The following IMPDH1 variants were observed in gnomAD, a reference collection of about 807,000 sequenced individuals.
IMPDH1 encodes inosine monophosphate dehydrogenase 1, also known as inosine-5'-monophosphate dehydrogenase 1.
Under a neutral mutation model 73.5 loss-of-function variants are expected in IMPDH1, and 41 were observed. The observed-to-expected ratio is 0.56, with a 90% CI of 0.43 to 0.72. The LOEUF is 0.72. Among genes scored for constraint, IMPDH1 ranks in the 30% least tolerant of loss-of-function variants. The probability of loss-of-function intolerance (pLI) is 0.00; values close to 1 mark genes in which losing one functional copy is unlikely to be tolerated. For missense variants in IMPDH1, 645 were observed against 824.8 expected (o/e 0.78, Z 2.67); for synonymous variants, 318 against 334.3 (o/e 0.95, Z 0.53).
chr7:128,407,720 T>C (rs1584757116), intron 3 of IMPDH1, among the ~76,000 whole-genome samples: 1 of 152,236 alleles, frequency 6.6e-6, no homozygotes, highest in Middle Eastern at 3.4e-3. Flanking sequence ...CACTGTCCCC[T>C]ACAGTATGAG....
intron 4 of IMPDH1, 89 bp downstream of exon 4, chr7:128,405,678 A>G: frequency 6.9e-7 from 1 of 1,459,246 alleles, no homozygotes; most frequent in Non-Finnish European, 9.1e-7. Context: ...CGGGCAGGGA[A>G]CGCCGGGGGA....
chr7:128,397,416 A>G (rs970717369), intron 10 of IMPDH1, among the ~76,000 whole-genome samples: 3 of 152,170 alleles, frequency 2.0e-5, no homozygotes, highest in African/African-American at 7.2e-5. Context: ...CTGTTCCTCA[A>G]TGGACTGATA....
Position 128,401,057 on chromosome 7 carries a change from G to T in IMPDH1, c.462C>A (p.Pro154=), listed in dbSNP as rs761151140. Residue 154 remains proline (P), a synonymous_variant, in exon 6 of 17, where the codon CCC becomes CCA. Coordinates refer to ENST00000338791, the MANE Select transcript of IMPDH1 (RefSeq NM_000883.4). ...TGTCAGCCTCTGTCACAGTGTCCAT[G>T]GGGGAGGAGATCAGTGGCGTCTTCA... ...ITLKTPLISS[P]MDTVTEADMA... is the part of the protein sequence containing the mutation. The T allele has an allele frequency of 6.2e-7, 1 of 1,614,116 alleles. No homozygotes were observed. The highest frequency in any genetic ancestry group is 1.6e-4 in the Middle Eastern group (1 of 6,062).
intron 4 of IMPDH1, among the ~76,000 whole-genome samples, chr7:128,404,525 G>C (rs1329896606): frequency 6.6e-6 from 1 of 152,018 alleles, no homozygotes; most frequent in Non-Finnish European, 1.5e-5. Context: ...GGCCTTGAGA[G>C]ACACACCCAA....
At chr7:128,393,117 G>A in intron 16 of IMPDH1, 89 bp from the exon 17 acceptor site, 1 of 1,411,114 alleles carries the variant, frequency 7.1e-7, no homozygotes, top group African/African-American at 1.4e-5. Flanking sequence ...CCCAGATGTA[G>A]GAGAGAACAG....
rs761926940 is a variant in IMPDH1, at chr7:128,397,058, G to T, written c.1075-36C>A. On this transcript the variant is annotated intron_variant, in intron 10 of 16. Transcript: ENST00000338791. ...GGACGGAAGAGCTTGGGCTTAGACA[G>T]CTGAGGATTCTCAAGGCAGGAGGGA... is the stretch of plus-strand genomic sequence containing the variant. The T allele has an allele frequency of 6.1e-6, 9 of 1,472,790 alleles. No homozygotes were observed. The African/African-American group carries it at 1.2e-4, about 20-fold the overall frequency. 91.2% of individuals were successfully genotyped at this position (1,472,790 alleles called of 1,614,324 possible).
chr7:128,399,525 A>G (rs1409106419), intron 9 of IMPDH1, among the ~76,000 whole-genome samples: 1 of 151,246 alleles, frequency 6.6e-6, no homozygotes, highest in Non-Finnish European at 1.5e-5. Flanking sequence ...AAAAATACAA[A>G]AAAAAAAAAA....
chr7:128,401,325 A>G (rs1406669777), intron 5 of IMPDH1, among the ~76,000 whole-genome samples: 1 of 152,220 alleles, frequency 6.6e-6, no homozygotes, highest in African/African-American at 2.4e-5. Context: ...GACTTCAGTC[A>G]GGATGAAGGC....
intron 10 of IMPDH1, 78 bp from the exon 11 acceptor site, chr7:128,397,100 A>AC (rs1797974812): frequency 1.1e-6 from 1 of 927,146 alleles, no homozygotes; most frequent in Admixed American, 1.7e-5. Context: ...GAGTGGATGA[A>AC]CCCCTCAAAT....
Position 128,409,293 on chromosome 7 carries a change from C to G in IMPDH1, c.250G>C (p.Ala84Pro), listed in dbSNP as rs756699929. The G allele has an allele frequency of 8.1e-6, 13 of 1,613,776 alleles. No homozygotes were observed. The highest frequency in any genetic ancestry group is 7.6e-6 in the Non-Finnish European group (9 of 1,179,802). Reference protein sequence around the residue: ...VGVQMDRLRRASMADYLISGG... With the variant: ...VGVQMDRLRRPSMADYLISGG... ...AGGAGGGGAGAGTGTCCTCACCTAG[C>G]CCTGCGAAGGCGATCCATCTGGACA... is the stretch of plus-strand genomic sequence containing the variant. Residue 84 changes from alanine to proline, a missense_variant, in exon 3 of 17, where the codon GCT becomes CCT. Coordinates refer to ENST00000338791, the MANE Select transcript of IMPDH1 (RefSeq NM_000883.4).
rs1584717450 is a variant in IMPDH1, at chr7:128,395,408, GA to G, written c.1262-135del. 1.1e-4 allele frequency: 115 copies of G among 1,068,902 alleles called. 1 individual carries two copies. In the East Asian group the frequency reaches 2.9e-3, roughly 27 times the overall value. 66.2% of individuals were successfully genotyped at this position (1,068,902 alleles called of 1,614,324 possible). A position where few individuals can be genotyped will look rare whatever the true frequency, so the allele number is the denominator to read the frequency against. ...AGGGACAGGGCTGGATGGTGTGTCT[GA>G]GGCATAACATAGGTGCTGGCAAATA... On this transcript the variant is annotated intron_variant, in intron 12 of 16. Coordinates refer to ENST00000338791, the MANE Select transcript of IMPDH1 (RefSeq NM_000883.4).
At chr7:128,393,959 C>T (rs1235029373) in intron 16 of IMPDH1, among the ~76,000 whole-genome samples, 1 of 152,146 alleles carries the variant, frequency 6.6e-6, no homozygotes, top group Non-Finnish European at 1.5e-5. Context: ...CCTGGTGCCA[C>T]CACAGCCCCT....
In IMPDH1 at chr7:128,396,119, TG is replaced by T. The variant is rs1040996461; in HGVS notation, c.1261+480del. On this transcript the variant is annotated intron_variant, in intron 12 of 16. Transcript: ENST00000338791. This position sits in a 1 kb window ranked among gnomAD's most constrained non-coding sequence, Gnocchi z 4.0. ...AGGGAGCACCTCCTCAATAACCACATGGGGGACACATGCCAGGCTCCCCCCT... is the reference window on the plus strand; with the variant it reads ...AGGGAGCACCTCCTCAATAACCACATGGGGACACATGCCAGGCTCCCCCCT... Among the ~76,000 whole-genome samples the T allele has an allele frequency of 1.8e-4, 27 of 152,058 alleles. No individual in the cohort carries two copies. The highest frequency in any genetic ancestry group is 5.8e-4 in the African/African-American group (24 of 41,400).
intron 4 of IMPDH1, among the ~76,000 whole-genome samples, chr7:128,404,399 C>T (rs1798559216): frequency 6.6e-6 from 1 of 152,168 alleles, no homozygotes; most frequent in African/African-American, 2.4e-5. Context: ...TGGCAGCTAC[C>T]AACACTAGGG....
At position 128,402,445 on chromosome 7, in the gene IMPDH1, A is replaced by C. The variant is rs140365240; in HGVS notation, c.402+1261T>G. ...TCCCTCCCTTCCTAGCAGCCAGCCC[A>C]GGGTCTGACACAAAGCCACACTGGC... On this transcript the variant is annotated intron_variant, in intron 5 of 16. Transcript: ENST00000338791. Among the ~76,000 whole-genome samples, 14 of 152,258 alleles carry C rather than the reference A, an allele frequency of 9.2e-5. No individual in the cohort carries two copies. The East Asian group carries it at 2.7e-3, about 29-fold the overall frequency.
Position 128,396,936 on chromosome 7 carries a change from C to T in IMPDH1, c.1161G>A (p.Gly387=). ...QKYPHLQVIG[G]NVVTAAQAKN... ...GGGAGGCGACCCCGCACTCACCGTTCCCCCCAATCACCTGGAGGTGGGGGT... is the reference window on the plus strand; with the variant it reads ...GGGAGGCGACCCCGCACTCACCGTTTCCCCCAATCACCTGGAGGTGGGGGT... The change falls in exon 11 of 17, where the codon GGG becomes GGA. Residue 387 remains glycine, a synonymous_variant. Transcript: ENST00000338791. The surrounding 1 kb of genome is among the most constrained non-coding windows in gnomAD (Gnocchi z 4.0). The T allele has an allele frequency of 6.2e-7, 1 of 1,610,602 alleles. No individual in the cohort carries two copies. Among genetic ancestry groups the T allele is most frequent in the South Asian group, 1.1e-5 (1 of 91,000 alleles).
chr7:128,392,894 GC>G lies in IMPDH1; in HGVS notation c.*112del. On this transcript the variant is annotated 3_prime_UTR_variant, in exon 17 of 17. Transcript: ENST00000338791. ...TCCCCTCCTCTCTGCCTGGAAAGGA[GC>G]TGGAGAACCCGTAGTGCAAATCTGT... 1 of 1,052,868 alleles carries G rather than the reference GC, an allele frequency of 9.5e-7. No homozygotes were observed. The highest frequency in any genetic ancestry group is 1.5e-6 in the Non-Finnish European group (1 of 677,818). The allele number at this position is 1,052,868 out of a possible 1,614,324, so 65.2% of individuals were successfully genotyped here. A position where few individuals can be genotyped will look rare whatever the true frequency, so the allele number is the denominator to read the frequency against.
At position 128,402,707 on chromosome 7, in the gene IMPDH1, G is replaced by A. The variant is rs567098797; in HGVS notation, c.402+999C>T. Among the ~76,000 whole-genome samples the A allele has an allele frequency of 3.1e-4, 45 of 147,142 alleles. No individual in the cohort carries two copies. In the South Asian group the frequency reaches 9.5e-3, roughly 31 times the overall value. ...TAGCAATAATAATAGCAACAGAAAAGAAATGTTTTTTTTTTAATGTATATG... is the reference window on the plus strand; with the variant it reads ...TAGCAATAATAATAGCAACAGAAAAAAAATGTTTTTTTTTTAATGTATATG... On this transcript the variant is annotated intron_variant, in intron 5 of 16. Transcript: ENST00000338791.
chr7:128,403,897 C>T, intron 4 of IMPDH1, 143 bp from the exon 5 acceptor site: 4 of 743,878 alleles, frequency 5.4e-6, no homozygotes, highest in Non-Finnish European at 7.2e-6. Context: ...ACTGCCCCAT[C>T]AGGGCAGTTC....
Sources: allele counts gnomAD v4.1 joint callset (sites outside exome capture counted in the v4.1 genomes callset), GRCh38; gene constraint gnomAD v4.1.1; non-coding constraint Gnocchi (gnomAD v3.1); transcripts MANE v1.5; gene names NCBI Gene and HGNC (gene_info 2026-07-23, HGNC 2026-07-21).